The following KIF3C variants were observed in gnomAD, a reference collection of about 807,000 sequenced individuals.
The protein encoded by KIF3C is kinesin-like protein KIF3C.
KIF3C carries 12 observed loss-of-function variants against 67.7 expected under a neutral mutation model. That is an observed-to-expected ratio of 0.18 (90% CI 0.11 to 0.29). KIF3C has a LOEUF of 0.29. Among genes scored for constraint, KIF3C ranks in the 10% least tolerant of loss-of-function variants. KIF3C has a pLI of 1.00. For synonymous variants in KIF3C, 393 were observed against 426.2 expected (o/e 0.92, Z 0.96); for missense variants, 789 against 1,059.6 (o/e 0.74, Z 3.55).
Position 25,955,730 on chromosome 2 carries a change from G to A in KIF3C, c.1648-67C>T. ...TACTCGGGAGGGCCAGGAAAGCTCA[G>A]GGGACTGGCTCACTCTGCCTGTCTC... is the stretch of plus-strand genomic sequence containing the variant. On this transcript the variant is annotated intron_variant, in intron 2 of 7. Coordinates refer to ENST00000264712, the MANE Select transcript of KIF3C (RefSeq NM_002254.8). The surrounding 1 kb of genome is among the most constrained non-coding windows in gnomAD (Gnocchi z 5.0). 13 of 1,582,036 alleles carry A rather than the reference G, an allele frequency of 8.2e-6. No individual in the cohort carries two copies. In the South Asian group the frequency reaches 1.5e-4, roughly 18 times the overall value.
At chr2:25,969,599 A>G (rs1408711539) in intron 1 of KIF3C, among the ~76,000 whole-genome samples, 1 of 152,248 alleles carries the variant, frequency 6.6e-6, no homozygotes, top group African/African-American at 2.4e-5. Flanking sequence ...AATCCCTAGC[A>G]ATAACCATTA....
intron 1 of KIF3C, among the ~76,000 whole-genome samples, chr2:25,975,839 T>C (rs1267894863): frequency 6.6e-6 from 1 of 151,792 alleles, no homozygotes; most frequent in East Asian, 1.9e-4. Flanking sequence ...GCGCCTGTAG[T>C]CCCAGCTACT....
chr2:25,963,174 GTATA>G (rs1553716012), intron 1 of KIF3C, among the ~76,000 whole-genome samples: 14 of 34,308 alleles, frequency 4.1e-4, no homozygotes, highest in South Asian at 1.0e-3. Context: ...ATGTGTGTGT[GTATA>G]TATATATATA....
At chr2:25,966,671 C>T (rs1326225830) in intron 1 of KIF3C, among the ~76,000 whole-genome samples, 1 of 152,200 alleles carries the variant, frequency 6.6e-6, no homozygotes, top group Non-Finnish European at 1.5e-5. Context: ...AGAATGGAGA[C>T]AGCCAGGCCC....
intron 1 of KIF3C, among the ~76,000 whole-genome samples, chr2:25,970,442 C>T (rs889652372): frequency 6.6e-6 from 1 of 151,610 alleles, no homozygotes; most frequent in South Asian, 2.1e-4. Context: ...CCGAGGCAGG[C>T]GGATCAGCTG....
chr2:25,982,033 A>C lies in KIF3C; in HGVS notation c.-116T>G. On this transcript the variant is annotated 5_prime_UTR_variant, in exon 1 of 8. Transcript: ENST00000264712. ...CCCAGCCCCCAGGCGCAGCTCTTCA[A>C]TCCGCATGCAGCCTCCTAGGGTGGG... is the stretch of plus-strand genomic sequence containing the variant. The C allele has an allele frequency of 1.3e-6, 1 of 792,808 alleles. No individual in the cohort carries two copies. Among genetic ancestry groups the C allele is most frequent in the Non-Finnish European group, 1.9e-6 (1 of 513,648 alleles). 49.1% of individuals were successfully genotyped at this position (792,808 alleles called of 1,614,324 possible).
intron 1 of KIF3C, among the ~76,000 whole-genome samples, chr2:25,971,461 A>G (rs1222715268): frequency 6.6e-6 from 1 of 151,986 alleles, no homozygotes; most frequent in Non-Finnish European, 1.5e-5. Flanking sequence ...GAAAAAGAAA[A>G]AAGAAATAGC....
intron 5 of KIF3C, chr2:25,951,508 T>G: frequency 2.6e-6 from 1 of 383,142 alleles, no homozygotes; most frequent in Non-Finnish European, 4.8e-6. Context: ...GCTAGGATTG[T>G]CAAGAGGCTG....
intron 1 of KIF3C, among the ~76,000 whole-genome samples, chr2:25,979,817 CT>C (rs1176450327): frequency 6.6e-6 from 1 of 152,150 alleles, no homozygotes; most frequent in Non-Finnish European, 1.5e-5. Flanking sequence ...GGTCACGTCA[CT>C]TCTCCAAGCT....
chr2:25,934,235 G>A, intron 5 of KIF3C: 1 of 464,612 alleles, frequency 2.2e-6, no homozygotes. Flanking sequence ...TGAGGAGAAT[G>A]AGGAGTAACT....
At chr2:25,946,009 A>G (rs1382410180) in intron 5 of KIF3C, among the ~76,000 whole-genome samples, 2 of 151,920 alleles carry the variant, frequency 1.3e-5, no homozygotes, top group Non-Finnish European at 2.9e-5. Flanking sequence ...GCTACTCAGG[A>G]GGCTGAGGCA....
intron 5 of KIF3C, among the ~76,000 whole-genome samples, chr2:25,939,770 T>C (rs539258357): frequency 1.9e-4 from 29 of 151,816 alleles, no homozygotes; most frequent in Non-Finnish European, 2.8e-4. Context: ...CTGGCCAACA[T>C]TGAAACCCTG....
chr2:25,982,345 T>C lies in KIF3C; in HGVS notation c.-428A>G. ...GATCCATAGCGTGGGCTGCCGGTCGTGGGCGGCCGGGGGTCCCGGGCCTCC... is the reference window on the plus strand; with the variant it reads ...GATCCATAGCGTGGGCTGCCGGTCGCGGGCGGCCGGGGGTCCCGGGCCTCC... On this transcript the variant is annotated 5_prime_UTR_variant, in exon 1 of 8. Transcript: ENST00000264712. 1 of 399,026 alleles carries C rather than the reference T, an allele frequency of 2.5e-6. No individual in the cohort carries two copies. Among genetic ancestry groups the C allele is most frequent in the Non-Finnish European group, 4.4e-6 (1 of 226,396 alleles). 24.7% of individuals were successfully genotyped at this position (399,026 alleles called of 1,614,324 possible). A position where few individuals can be genotyped will look rare whatever the true frequency, so the allele number is the denominator to read the frequency against.
chr2:25,963,598 T>C (rs1664063490), intron 1 of KIF3C, among the ~76,000 whole-genome samples: 1 of 151,862 alleles, frequency 6.6e-6, no homozygotes, highest in Non-Finnish European at 1.5e-5. Flanking sequence ...ATTATCATTC[T>C]AATGACTTAA....
At chr2:25,967,714 T>C (rs1438206078) in intron 1 of KIF3C, among the ~76,000 whole-genome samples, 2 of 152,216 alleles carry the variant, frequency 1.3e-5, no homozygotes, top group Non-Finnish European at 2.9e-5. Flanking sequence ...TAATCTCATC[T>C]ACTTGGGAAG....
rs2090434585 is a variant in KIF3C, at chr2:25,928,985, T to C, written c.2375A>G (p.His792Arg). The change falls in exon 8 of 8, where the codon CAT becomes CGT. Residue 792 changes from histidine (H) to arginine (R), a missense_variant. His to Arg is a conservative substitution (Grantham distance 29). Around this residue, in one of 2 missense-constraint regions of KIF3C, gnomAD observed 648 missense variants for 807.8 expected, o/e 0.80. Coordinates refer to ENST00000264712, the MANE Select transcript of KIF3C (RefSeq NM_002254.8). ...AGCCTGACGTGATGGTTGTCACTCA[T>C]GGTCCGCCACTGTTGCAGGGCGCAG... ...ASLRPATVAD[H>R]E 1 of 1,613,006 alleles carries C rather than the reference T, an allele frequency of 6.2e-7. No individual in the cohort carries two copies. Among genetic ancestry groups the C allele is most frequent in the Admixed American group, 1.7e-5 (1 of 59,914 alleles).
intron 5 of KIF3C, chr2:25,938,287 G>A (rs1465048873): frequency 2.2e-6 from 1 of 452,732 alleles, no homozygotes; most frequent in Non-Finnish European, 4.4e-6. Flanking sequence ...GAACCTGGGA[G>A]ATGGAGGTTT....
intron 6 of KIF3C, 99 bp from the exon 7 acceptor site, chr2:25,929,576 T>C: frequency 9.8e-7 from 1 of 1,016,582 alleles, no homozygotes; most frequent in South Asian, 1.4e-5. Flanking sequence ...ATGAGGTGGT[T>C]AGGGGAAGCA....
Position 25,980,294 on chromosome 2 carries a change from CAG to C in KIF3C, c.1545+77_1545+78del. The C allele has an allele frequency of 8.3e-7, 1 of 1,206,640 alleles. No homozygotes were observed. The highest frequency in any genetic ancestry group is 1.2e-6 in the Non-Finnish European group (1 of 856,028). 74.7% of individuals were successfully genotyped at this position (1,206,640 alleles called of 1,614,324 possible). A position where few individuals can be genotyped will look rare whatever the true frequency, so the allele number is the denominator to read the frequency against. On this transcript the variant is annotated intron_variant, in intron 1 of 7. Transcript: ENST00000264712. The surrounding 1 kb of genome is among the most constrained non-coding windows in gnomAD (Gnocchi z 7.6). ...AGAACCTCCACTTCAGGCCAGGTCA[CAG>C]ACTCTCAAAGAAGAGCCTCCTTGCC...
Sources: allele counts gnomAD v4.1 joint callset (sites outside exome capture counted in the v4.1 genomes callset), GRCh38; gene constraint gnomAD v4.1.1; regional missense constraint gnomAD v4.1.1; non-coding constraint Gnocchi (gnomAD v3.1); transcripts MANE v1.5; gene names NCBI Gene and HGNC (gene_info 2026-07-23, HGNC 2026-07-21).